The following CLASP2 variants were observed in gnomAD, a reference collection of about 807,000 sequenced individuals.
CLASP2 encodes the protein CLIP-associating protein 2.
In CLASP2, 47 loss-of-function variants were observed where a neutral mutation model predicts 194.4. That is an observed-to-expected ratio of 0.24 (90% CI 0.19 to 0.31). The LOEUF (loss-of-function observed/expected upper bound fraction) is 0.31, where lower values mean the gene tolerates loss of function less well. Ranked by LOEUF, CLASP2 falls within the 10% of genes least tolerant of loss-of-function variation. The probability of loss-of-function intolerance (pLI) is 1.00; values close to 1 mark genes in which losing one functional copy is unlikely to be tolerated. For missense variants in CLASP2, 1,445 were observed against 1,823.6 expected (o/e 0.79, Z 3.78); for synonymous variants, 619 against 633.5 (o/e 0.98, Z 0.34).
intron 33 of CLASP2, 151 bp downstream of exon 33, chr3:33,538,638 G>A (rs1157145678): frequency 1.9e-6 from 1 of 535,988 alleles, no homozygotes; most frequent in East Asian, 3.2e-5. Context: ...CTCAAACAGT[G>A]CCTGGTATGT....
At chr3:33,593,607 T>C (rs2069405505) in intron 20 of CLASP2, among the ~76,000 whole-genome samples, 1 of 152,186 alleles carries the variant, frequency 6.6e-6, no homozygotes, top group African/African-American at 2.4e-5. Flanking sequence ...AATACCAGCA[T>C]ACTATCAACT....
chr3:33,518,083 T>C (rs2051922179), intron 34 of CLASP2, among the ~76,000 whole-genome samples: 2 of 152,236 alleles, frequency 1.3e-5, no homozygotes, highest in South Asian at 4.1e-4. Flanking sequence ...AATAACTTTA[T>C]CAACTAGACC....
At chr3:33,675,968 T>C (rs2088528137) in intron 6 of CLASP2, among the ~76,000 whole-genome samples, 1 of 151,284 alleles carries the variant, frequency 6.6e-6, no homozygotes. Flanking sequence ...TCCATGCTCA[T>C]GGGTAGGAAG....
chr3:33,558,376 G>T (rs1261297104), intron 29 of CLASP2: 3 of 152,080 alleles, frequency 2.0e-5, no homozygotes, highest in African/African-American at 7.2e-5. Context: ...AGAAACTTAA[G>T]GGAAAAATCA....
At chr3:33,508,188 A>C (rs533833830) in intron 37 of CLASP2, among the ~76,000 whole-genome samples, 2 of 151,768 alleles carry the variant, frequency 1.3e-5, no homozygotes, top group Non-Finnish European at 2.9e-5. Context: ...GCTAATTAAA[A>C]ACAATTTTTT....
intron 23 of CLASP2, among the ~76,000 whole-genome samples, chr3:33,579,296 A>G (rs1003897094): frequency 9.9e-5 from 15 of 152,222 alleles, no homozygotes; most frequent in African/African-American, 3.4e-4. Context: ...TTTGAGATGA[A>G]CTAGAATATT....
intron 7 of CLASP2, among the ~76,000 whole-genome samples, chr3:33,648,435 A>C (rs1380889277): frequency 6.6e-6 from 1 of 152,128 alleles, no homozygotes; most frequent in Non-Finnish European, 1.5e-5. Flanking sequence ...TCCACGGGAA[A>C]AAAATCAGAA....
At chr3:33,695,958 C>A (rs2091850692) in intron 2 of CLASP2, among the ~76,000 whole-genome samples, 1 of 152,116 alleles carries the variant, frequency 6.6e-6, no homozygotes, top group African/African-American at 2.4e-5. Flanking sequence ...AATAACCATA[C>A]AAAGAAGAGC....
chr3:33,684,775 G>A (rs1238431852), intron 5 of CLASP2, among the ~76,000 whole-genome samples: 1 of 151,816 alleles, frequency 6.6e-6, no homozygotes, highest in African/African-American at 2.4e-5. Flanking sequence ...CAAGGAGGGT[G>A]GATTGCCTGA....
In CLASP2 at chr3:33,680,902, G is replaced by A. The variant is rs975529413; in HGVS notation, c.644+3457C>T. 8.4e-4 allele frequency among the ~76,000 whole-genome samples: 128 copies of A among 152,130 alleles called. 1 individual carries two copies. The highest frequency in any genetic ancestry group is 3.6e-4 in the African/African-American group (15 of 41,496). Reference sequence around the variant, plus strand: ...AGCACTTTGGGAGGCCGAGGCAGGCGGATCACGAGGTCAGGAGTTTGAGAA... The same window carrying A: ...AGCACTTTGGGAGGCCGAGGCAGGCAGATCACGAGGTCAGGAGTTTGAGAA... On this transcript the variant is annotated intron_variant, in intron 6 of 38. Coordinates refer to ENST00000682230, the MANE Select transcript of CLASP2 (RefSeq NM_001365631.1).
chr3:33,659,567 A>G (rs2154330954), intron 7 of CLASP2: 1 of 218,110 alleles, frequency 4.6e-6, no homozygotes, highest in South Asian at 1.6e-4. Flanking sequence ...CCCAGTTTCC[A>G]TGATTAACTG....
chr3:33,530,822 T>C (rs755435800), intron 34 of CLASP2, among the ~76,000 whole-genome samples: 41 of 152,180 alleles, frequency 2.7e-4, no homozygotes, highest in Non-Finnish European at 5.4e-4. Context: ...CTGAAAGAAA[T>C]ATAAAAGAAA....
At position 33,717,994 on chromosome 3, in the gene CLASP2, G is replaced by A. The variant is rs2093375035; in HGVS notation, c.9C>T (p.Pro3=). The A allele has an allele frequency of 1.3e-6, 2 of 1,497,942 alleles. No individual in the cohort carries two copies. Among genetic ancestry groups the A allele is most frequent in the African/African-American group, 1.4e-5 (1 of 70,576 alleles). The allele number at this position is 1,497,942 out of a possible 1,614,324, so 92.8% of individuals were successfully genotyped here. ...GGGCGCAGAAGTACTCCATGCTGCG[G>A]GGCTCCATGGCTGCGGCCGCCCGCC... ME[P]RSMEYFCAQV... Residue 3 remains proline (P), a synonymous_variant, in exon 1 of 39, where the codon CCC becomes CCT. Coordinates refer to ENST00000682230, the MANE Select transcript of CLASP2 (RefSeq NM_001365631.1).
At chr3:33,529,404 G>T (rs1277442108) in intron 34 of CLASP2, among the ~76,000 whole-genome samples, 1 of 152,088 alleles carries the variant, frequency 6.6e-6, no homozygotes, top group Non-Finnish European at 1.5e-5. Context: ...GAGGCATCAC[G>T]TTGCCTGATT....
chr3:33,567,513 G>T (rs953474394), intron 26 of CLASP2, among the ~76,000 whole-genome samples: 2 of 152,122 alleles, frequency 1.3e-5, no homozygotes, highest in South Asian at 4.1e-4. Context: ...GAAATATATG[G>T]GATGGCTTTT....
intron 1 of CLASP2, among the ~76,000 whole-genome samples, chr3:33,717,593 A>G (rs2093357708): frequency 6.6e-6 from 1 of 151,856 alleles, no homozygotes; most frequent in African/African-American, 2.4e-5. Context: ...CGCCCGGCTA[A>G]TTTTTGTATT....
chr3:33,580,896 G>C (rs1263950774), intron 23 of CLASP2, among the ~76,000 whole-genome samples: 1 of 149,584 alleles, frequency 6.7e-6, no homozygotes, highest in East Asian at 2.1e-4. Context: ...GGCGCCTGTA[G>C]TCCCAGCTAC....
At chr3:33,609,063 T>C (rs1457027240) in intron 13 of CLASP2, among the ~76,000 whole-genome samples, 1 of 152,136 alleles carries the variant, frequency 6.6e-6, no homozygotes, top group African/African-American at 2.4e-5. Flanking sequence ...GTGGATCACT[T>C]GAGGTCAGGA....
chr3:33,656,810 C>T (rs184803970), intron 7 of CLASP2, among the ~76,000 whole-genome samples: 70 of 151,700 alleles, frequency 4.6e-4, no homozygotes, highest in African/African-American at 1.6e-3. Context: ...CGAAATAACA[C>T]GATAGTATTT....
Sources: gnomAD v4.1 joint callset for allele counts (sites outside exome capture counted in the v4.1 genomes callset) on GRCh38, gnomAD v4.1.1 for gene constraint, MANE v1.5 for transcripts, NCBI Gene and HGNC (gene_info 2026-07-23, HGNC 2026-07-21) for gene names.